Variants in NLGN1 observed in about 807,000 individuals in gnomAD.
The protein encoded by NLGN1 is neuroligin-1.
A neutral mutation model predicts 65.5 loss-of-function variants in NLGN1; 12 were observed. The ratio of observed to expected loss-of-function variants is 0.18; its 90% CI spans 0.12 to 0.30. NLGN1 has a LOEUF of 0.30. NLGN1 is among the 10% of genes least tolerant of loss of function. The pLI is 1.00. For synonymous variants in NLGN1, 350 were observed against 359.5 expected, an observed-to-expected ratio of 0.97 and a Z score of 0.30; for missense variants, 750 against 1,007.1, an observed-to-expected ratio of 0.74 and a Z score of 3.46.
At chr3:174,073,531 A>G (rs1740327782) in intron 4 of NLGN1, among the ~76,000 whole-genome samples, 1 of 152,182 alleles carries the variant, frequency 6.6e-6, no homozygotes, top group Non-Finnish European at 1.5e-5. Flanking sequence ...CTTTTGGATG[A>G]AGACACTGGT....
rs57342574 is a variant in NLGN1 at position 173,428,539 on chromosome 3, GA to G, written c.-389-6464del. 1.7e-4 allele frequency among the ~76,000 whole-genome samples: 26 copies of G among 151,704 alleles called. No homozygotes were observed. The South Asian group carries it at 5.2e-3, about 30-fold the overall frequency. On this transcript the variant is annotated intron_variant, in intron 1 of 6. Transcript: ENST00000457714. ...CAACTTAACTTTGACTCAAATAAAA[GA>G]AAAAAATGATTCAATTTCCCCACAT... is the stretch of plus-strand genomic sequence containing the variant.
intron 3 of NLGN1, among the ~76,000 whole-genome samples, chr3:173,611,163 G>A (rs929332733): frequency 5.9e-5 from 9 of 151,992 alleles, no homozygotes; most frequent in African/African-American, 2.2e-4. Context: ...TGTTTGATGT[G>A]TAATGTTAAG....
At chr3:174,008,856 TTAATTTTTTTA>T (rs1724967878) in intron 4 of NLGN1, among the ~76,000 whole-genome samples, 1 of 152,198 alleles carries the variant, frequency 6.6e-6, no homozygotes, top group Admixed American at 6.5e-5. Flanking sequence ...ATTAAACCCT[TTAATTTTTTTA>T]TTGATTTGAT....
exon 7 of NLGN1, chr3:174,286,211 A>G (rs1393756656): frequency 6.6e-6 from 1 of 151,430 alleles, no homozygotes; most frequent in Non-Finnish European, 1.5e-5. Context: ...GCCCTTTCAG[A>G]CCCATATACT....
At chr3:173,821,921 A>G (rs1720388344) in intron 4 of NLGN1, among the ~76,000 whole-genome samples, 1 of 152,326 alleles carries the variant, frequency 6.6e-6, no homozygotes, top group East Asian at 1.9e-4. Flanking sequence ...GTTGAGATAT[A>G]CATAATAAAT....
chr3:174,116,808 A>G (rs963306099), intron 4 of NLGN1, among the ~76,000 whole-genome samples: 1 of 152,206 alleles, frequency 6.6e-6, no homozygotes, highest in South Asian at 2.1e-4. Context: ...CATATGAGCC[A>G]TATTTCAGTT....
rs76370887 is a variant in NLGN1 at position 173,637,115 on chromosome 3, G to A, written c.493+32024G>A. Among the ~76,000 whole-genome samples, 46 of 152,234 alleles carry A rather than the reference G, an allele frequency of 3.0e-4. No individual in the cohort carries two copies. In the East Asian group the frequency reaches 8.9e-3, roughly 29 times the overall value. On this transcript the variant is annotated intron_variant, in intron 3 of 6. Transcript: ENST00000457714. ...GCCTGAACAGCAAACACTCGGTGAT[G>A]TGGAACATTCTTTATTCCCAAACAA...
intron 4 of NLGN1, among the ~76,000 whole-genome samples, chr3:173,843,369 G>A (rs1725157930): frequency 6.6e-6 from 1 of 152,290 alleles, no homozygotes; most frequent in Non-Finnish European, 1.5e-5. Flanking sequence ...GCAAATTTCT[G>A]CAGCAGGCAT....
chr3:173,920,679 C>T (rs539028750), intron 4 of NLGN1: 1 of 152,112 alleles, frequency 6.6e-6, no homozygotes, highest in Non-Finnish European at 1.5e-5. Flanking sequence ...CTGGTTCAAC[C>T]TCTAGGTTTT....
intron 4 of NLGN1, among the ~76,000 whole-genome samples, chr3:174,191,196 A>G (rs1332864591): frequency 3.3e-5 from 5 of 152,072 alleles, no homozygotes; most frequent in African/African-American, 7.2e-5. Flanking sequence ...AGATTCCACA[A>G]GTTTATTGCA....
intron 3 of NLGN1, among the ~76,000 whole-genome samples, chr3:173,754,720 G>A (rs1047805804): frequency 6.6e-6 from 1 of 152,062 alleles, no homozygotes; most frequent in African/African-American, 2.4e-5. Context: ...CAAATACATT[G>A]TCCAAGTTTT....
intron 3 of NLGN1, among the ~76,000 whole-genome samples, chr3:173,629,803 A>G (rs994024321): frequency 2.0e-5 from 3 of 152,234 alleles, no homozygotes; most frequent in African/African-American, 7.2e-5. Flanking sequence ...AAGAGACACG[A>G]CTGTGTTAAA....
intron 4 of NLGN1, among the ~76,000 whole-genome samples, chr3:174,119,940 A>C (rs368955865): frequency 2.0e-5 from 3 of 152,326 alleles, no homozygotes; most frequent in South Asian, 4.1e-4. Context: ...GAGGAGCGCT[A>C]AGCTCCCTTT....
At chr3:174,062,397 A>C (rs1205585894) in intron 4 of NLGN1, among the ~76,000 whole-genome samples, 1 of 152,134 alleles carries the variant, frequency 6.6e-6, no homozygotes, top group African/African-American at 2.4e-5. Context: ...TTTCTTCATC[A>C]ATACCACATG....
chr3:174,128,783 T>C (rs1719510065), intron 4 of NLGN1, among the ~76,000 whole-genome samples: 1 of 152,156 alleles, frequency 6.6e-6, no homozygotes, highest in Admixed American at 6.5e-5. Flanking sequence ...TCTTTAGATA[T>C]GGTGCTGCAT....
rs962203886 is a variant in NLGN1, at chr3:174,113,338, A to G, written c.647-161977A>G. On this transcript the variant is annotated intron_variant, in intron 4 of 6. Coordinates refer to ENST00000457714, the Ensembl canonical transcript of NLGN1. ...TAACCTAACAGTGATTTTGAGCTCT[A>G]AATGTTTCTAAGGAAGATTGACAAA... is the stretch of plus-strand genomic sequence containing the variant. 5.3e-5 allele frequency among the ~76,000 whole-genome samples: 8 copies of G among 152,024 alleles called. No homozygotes were observed. In the South Asian group the frequency reaches 6.2e-4, roughly 12 times the overall value.
rs116282030 is a variant in NLGN1, at chr3:174,060,453, C to A, written c.647-214862C>A. ...CAGAACATATGCCCCCCTTTACCCT[C>A]CTTGAACAGTAGGACTTAAAGCAAG... On this transcript the variant is annotated intron_variant, in intron 4 of 6. Coordinates refer to ENST00000457714, the Ensembl canonical transcript of NLGN1. Among the ~76,000 whole-genome samples the A allele has an allele frequency of 3.1e-3, 467 of 152,244 alleles. 1 individual carries two copies. Among genetic ancestry groups the A allele is most frequent in the African/African-American group, 0.011 (439 of 41,566 alleles).
At chr3:173,790,296 G>T (rs1052411439) in intron 3 of NLGN1, among the ~76,000 whole-genome samples, 1 of 152,006 alleles carries the variant, frequency 6.6e-6, no homozygotes, top group African/African-American at 2.4e-5. Flanking sequence ...TAGTGTGAAT[G>T]GTGTGAATTC....
intron 4 of NLGN1, among the ~76,000 whole-genome samples, chr3:174,145,715 G>C (rs1723099536): frequency 2.0e-5 from 3 of 152,122 alleles, no homozygotes; most frequent in African/African-American, 7.2e-5. Context: ...TGAAAGTCTA[G>C]GACATGGCTA....
Sources: gnomAD v4.1 joint callset for allele counts (sites outside exome capture counted in the v4.1 genomes callset) on GRCh38, gnomAD v4.1.1 for gene constraint, MANE v1.5 for transcripts, NCBI Gene and HGNC (gene_info 2026-07-23, HGNC 2026-07-21) for gene names.